Variants in SLC7A2 observed in about 807,000 individuals in gnomAD.
SLC7A2 encodes the protein solute carrier family 7 member 2.
A neutral mutation model predicts 58.9 loss-of-function variants in SLC7A2; 48 were observed. The observed-to-expected ratio is 0.82, with a 90% CI of 0.65 to 1.04. The LOEUF is 1.04. Ranked by LOEUF, SLC7A2 falls within the 50% of genes least tolerant of loss-of-function variation. The pLI is 0.00. For synonymous variants in SLC7A2, 363 were observed against 314.5 expected (o/e 1.15, Z -1.63); for missense variants, 1,029 against 818.8 (o/e 1.26, Z -3.13).
Position 17,563,709 on chromosome 8 carries a change from T to C in SLC7A2, c.1778T>C (p.Ile593Thr), listed in dbSNP as rs1374176500. 2.6e-6 allele frequency: 4 copies of C among 1,551,348 alleles called. No homozygotes were observed. The highest frequency in any genetic ancestry group is 2.2e-5 in the East Asian group (1 of 44,578). Residue 593 changes from isoleucine to threonine, a missense_variant and splice_region_variant, in exon 12 of 13, where the codon ATT (isoleucine) becomes ACT (threonine). Ile to Thr is a moderately conservative substitution (Grantham distance 89). Coordinates refer to ENST00000494857, the MANE Select transcript of SLC7A2 (RefSeq NM_001370338.1). ...GTCAGATTCAGCATTTGGATGGCAATTGGTAGGTCTTTTAATGTCGGGTTC... is the reference window on the plus strand; with the variant it reads ...GTCAGATTCAGCATTTGGATGGCAACTGGTAGGTCTTTTAATGTCGGGTTC... Reference protein sequence around the residue: ...TWVRFSIWMAIGFLIYFSYGI... With the variant: ...TWVRFSIWMATGFLIYFSYGI...
At chr8:17,541,684 A>G (rs1801917462) in intron 2 of SLC7A2, among the ~76,000 whole-genome samples, 1 of 152,198 alleles carries the variant, frequency 6.6e-6, no homozygotes, top group Non-Finnish European at 1.5e-5. Flanking sequence ...TCCCATGTAC[A>G]GCTCTTTCAT....
chr8:17,557,868 T>C lies in SLC7A2; in HGVS notation c.1196-427T>C, dbSNP rs139586884. Among the ~76,000 whole-genome samples the C allele has an allele frequency of 5.1e-3, 780 of 152,074 alleles. 11 individuals carry two copies. The highest frequency in any genetic ancestry group is 0.018 in the African/African-American group (753 of 41,468). ...ATTGAGTTGTCTATAACTCAGTGCA[T>C]ATGGAAACTAAAGTGGTTATATAAT... is the stretch of plus-strand genomic sequence containing the variant. On this transcript the variant is annotated intron_variant, in intron 8 of 12. Transcript: ENST00000494857.
chr8:17,507,453 ATCT>A (rs1204441496), intron 2 of SLC7A2, among the ~76,000 whole-genome samples: 1 of 152,028 alleles, frequency 6.6e-6, no homozygotes. Flanking sequence ...GCCTCAAATG[ATCT>A]TCTCGCCTTG....
At position 17,543,375 on chromosome 8, in the gene SLC7A2, A is replaced by C; in HGVS notation, c.36A>C (p.Arg12=). 6.2e-7 allele frequency: 1 copy of C among 1,614,122 alleles called. No individual in the cohort carries two copies. Among genetic ancestry groups the C allele is most frequent in the Admixed American group, 1.7e-5 (1 of 60,008 alleles). Residue 12 remains arginine (R), a synonymous_variant, in exon 3 of 13, where the codon CGA becomes CGC. Transcript: ENST00000494857. ...IPCRAALTFA[R]CLIRRKIVTL... ...GCAGAGCCGCGCTGACCTTTGCCCG[A>C]TGTCTGATCCGGAGAAAAATCGTGA...
chr8:17,494,961 A>C (rs1799920725), upstream of SLC7A2, among the ~76,000 whole-genome samples: 1 of 152,234 alleles, frequency 6.6e-6, no homozygotes, highest in African/African-American at 2.4e-5. Context: ...ATAAATTCAA[A>C]GATCGGTATT....
intron 7 of SLC7A2, among the ~76,000 whole-genome samples, chr8:17,552,285 G>A (rs1317454168): frequency 1.3e-5 from 2 of 152,074 alleles, no homozygotes; most frequent in Non-Finnish European, 2.9e-5. Context: ...GTGGCATGTA[G>A]TCATGTATAT....
At chr8:17,563,819 C>G in intron 12 of SLC7A2, 108 bp downstream of exon 12, 1 of 703,750 alleles carries the variant, frequency 1.4e-6, no homozygotes, top group Middle Eastern at 2.5e-4. Context: ...CCGCTTCTTT[C>G]TTTCCTAATT....
intron 2 of SLC7A2, among the ~76,000 whole-genome samples, chr8:17,525,863 T>C (rs1801202328): frequency 6.6e-6 from 1 of 152,222 alleles, no homozygotes; most frequent in Non-Finnish European, 1.5e-5. Flanking sequence ...ATAGGGAGGC[T>C]GAGTACTGAG....
intron 2 of SLC7A2, among the ~76,000 whole-genome samples, chr8:17,536,597 G>A (rs1226234998): frequency 1.3e-5 from 2 of 152,080 alleles, no homozygotes; most frequent in African/African-American, 4.8e-5. Flanking sequence ...TTTTTTTCAA[G>A]GAGAGAGTAT....
chr8:17,545,965 A>G (rs1802151764), intron 4 of SLC7A2, among the ~76,000 whole-genome samples: 1 of 152,208 alleles, frequency 6.6e-6, no homozygotes, highest in Admixed American at 6.5e-5. Context: ...CATTAATCAA[A>G]TGTTTTACAT....
intron 5 of SLC7A2, among the ~76,000 whole-genome samples, 157 bp downstream of exon 5, chr8:17,549,000 TG>T (rs750825379): frequency 5.3e-4 from 78 of 148,540 alleles, no homozygotes; most frequent in Non-Finnish European, 4.3e-4. Context: ...TCCACATGGC[TG>T]GGGAAGCCTC....
chr8:17,561,783 C>T (rs909072442), intron 10 of SLC7A2, among the ~76,000 whole-genome samples, 161 bp from the exon 11 acceptor site: 12 of 152,122 alleles, frequency 7.9e-5, no homozygotes, highest in Non-Finnish European at 1.8e-4. Context: ...GGACATCTCT[C>T]TCCTCAATGA....
At chr8:17,522,543 A>T (rs1340623215) in intron 2 of SLC7A2, among the ~76,000 whole-genome samples, 1 of 152,116 alleles carries the variant, frequency 6.6e-6, no homozygotes, top group African/African-American at 2.4e-5. Flanking sequence ...ACTATATTTT[A>T]TCACATTTTC....
intron 1 of SLC7A2, chr8:17,499,364 T>A (rs1800068047): frequency 6.8e-6 from 1 of 147,812 alleles, no homozygotes; most frequent in African/African-American, 2.5e-5. Context: ...TCTCCCCCTC[T>A]CTCCCTCATT....
chr8:17,555,903 A>T (rs75977281), intron 8 of SLC7A2, among the ~76,000 whole-genome samples: 2,292 of 152,240 alleles, frequency 0.015, 55 homozygotes, highest in African/African-American at 0.053. Context: ...CAAGCTTTAT[A>T]CATAAAATAA....
chr8:17,546,135 G>A (rs1279194327), intron 4 of SLC7A2, among the ~76,000 whole-genome samples: 5 of 152,124 alleles, frequency 3.3e-5, no homozygotes, highest in Admixed American at 6.5e-5. Context: ...CCAGTCTAGC[G>A]TTAAATTATT....
At position 17,550,287 on chromosome 8, in the gene SLC7A2, G is replaced by A. The variant is rs765410624; in HGVS notation, c.699-14G>A. ...GTCAAAGTGACTTTCCAATGTGTTT[G>A]TTCTCTTTCTTAGAGAGCCACCTTC... On this transcript the variant is annotated splice_polypyrimidine_tract_variant and intron_variant, in intron 5 of 12. Transcript: ENST00000494857. 6.2e-7 allele frequency: 1 copy of A among 1,612,756 alleles called. No homozygotes were observed. Among genetic ancestry groups the A allele is most frequent in the Admixed American group, 1.7e-5 (1 of 59,804 alleles).
chr8:17,532,690 G>C (rs1483117260), intron 2 of SLC7A2, among the ~76,000 whole-genome samples: 2 of 152,064 alleles, frequency 1.3e-5, no homozygotes, highest in Non-Finnish European at 1.5e-5. Flanking sequence ...AAGTAGAATA[G>C]AAATGTGACA....
At chr8:17,552,095 A>G (rs1321405235) in intron 7 of SLC7A2, 109 bp downstream of exon 7, 3 of 738,030 alleles carry the variant, frequency 4.1e-6, no homozygotes, top group East Asian at 5.3e-5. Context: ...GAAACAAAAT[A>G]TTATGCAACT....
Sources: gnomAD v4.1 joint callset for allele counts (sites outside exome capture counted in the v4.1 genomes callset) on GRCh38, gnomAD v4.1.1 for gene constraint, MANE v1.5 for transcripts, NCBI Gene and HGNC (gene_info 2026-07-23, HGNC 2026-07-21) for gene names.